GRID1: variants seen among roughly 807,000 people sequenced by gnomAD.
The protein encoded by GRID1 is glutamate ionotropic receptor delta type subunit 1, also known as glutamate receptor ionotropic, delta-1.
A neutral mutation model predicts 98.0 loss-of-function variants in GRID1; 28 were observed. That is an observed-to-expected ratio of 0.29 (90% CI 0.21 to 0.39). The LOEUF is 0.39. Ranked by LOEUF, GRID1 falls within the 10% of genes least tolerant of loss-of-function variation. The probability of loss-of-function intolerance (pLI) is 1.00; values close to 1 mark genes in which losing one functional copy is unlikely to be tolerated. For missense variants in GRID1, 1,111 were observed against 1,340.5 expected (o/e 0.83, Z 2.67); for synonymous variants, 553 against 538.5 (o/e 1.03, Z -0.37).
At chr10:85,628,033 G>A (rs1030198142) in intron 13 of GRID1, among the ~76,000 whole-genome samples, 6 of 152,074 alleles carry the variant, frequency 3.9e-5, no homozygotes, top group Admixed American at 1.3e-4. Context: ...GTGTGTGCAT[G>A]AGAATTGTGT....
chr10:85,710,831 A>T (rs139699745), intron 12 of GRID1, among the ~76,000 whole-genome samples: 2,812 of 152,228 alleles, frequency 0.018, 41 homozygotes, highest in Non-Finnish European at 0.028. Flanking sequence ...CAAAGGAGAT[A>T]TGCAAATTTG....
intron 3 of GRID1, among the ~76,000 whole-genome samples, chr10:86,174,831 G>A (rs1180912759): frequency 6.6e-6 from 1 of 152,030 alleles, no homozygotes; most frequent in Admixed American, 6.5e-5. Context: ...AGTGGGTGAA[G>A]GACATCAACA....
chr10:85,647,660 G>A, intron 12 of GRID1: 2 of 419,718 alleles, frequency 4.8e-6, no homozygotes, highest in Non-Finnish European at 8.7e-6. Context: ...TTACTGAACT[G>A]GAGGGATAAA....
At chr10:85,881,567 C>T (rs987782663) in intron 5 of GRID1, among the ~76,000 whole-genome samples, 81 of 152,238 alleles carry the variant, frequency 5.3e-4, no homozygotes, top group African/African-American at 1.9e-3. Flanking sequence ...AACTGGCTAG[C>T]CATATGTAGA....
chr10:85,708,127 A>AC (rs1359943859), intron 12 of GRID1, among the ~76,000 whole-genome samples: 11 of 122,378 alleles, frequency 9.0e-5, no homozygotes, highest in Non-Finnish European at 1.2e-4. Context: ...AAAAAAAAAA[A>AC]AAAACACAAG....
At chr10:86,139,437 C>T (rs994183020) in intron 3 of GRID1, among the ~76,000 whole-genome samples, 1 of 152,214 alleles carries the variant, frequency 6.6e-6, no homozygotes, top group Non-Finnish European at 1.5e-5. Context: ...CTAGACCAAC[C>T]ATGGCCAGCT....
intron 8 of GRID1, among the ~76,000 whole-genome samples, chr10:85,789,735 C>T (rs557127337): frequency 2.6e-5 from 4 of 152,238 alleles, no homozygotes; most frequent in African/African-American, 9.6e-5. Context: ...CCCAGGAACC[C>T]AGGAGATTTA....
chr10:86,236,905 G>A (rs1343113428), intron 2 of GRID1, among the ~76,000 whole-genome samples: 1 of 152,176 alleles, frequency 6.6e-6, no homozygotes, highest in Non-Finnish European at 1.5e-5. Flanking sequence ...GAGGCAGAGT[G>A]GCACTCTGGG....
intron 4 of GRID1, among the ~76,000 whole-genome samples, chr10:86,131,098 G>T (rs1436908058): frequency 6.6e-6 from 1 of 152,142 alleles, no homozygotes; most frequent in African/African-American, 2.4e-5. Context: ...TGGACTACAT[G>T]GCACAGATAG....
chr10:86,244,024 G>C (rs1473654020), intron 2 of GRID1, among the ~76,000 whole-genome samples: 1 of 152,196 alleles, frequency 6.6e-6, no homozygotes, highest in Non-Finnish European at 1.5e-5. Flanking sequence ...ATGTATACAT[G>C]TATGTGTGCA....
At chr10:85,891,018 A>T (rs1349360265) in intron 5 of GRID1, among the ~76,000 whole-genome samples, 13 of 152,146 alleles carry the variant, frequency 8.5e-5, no homozygotes. Flanking sequence ...ATATAATAAC[A>T]GCTGATCCTT....
intron 5 of GRID1, among the ~76,000 whole-genome samples, chr10:85,914,638 T>C (rs549776418): frequency 1.2e-4 from 19 of 152,138 alleles, no homozygotes; most frequent in Non-Finnish European, 2.5e-4. Context: ...CTACGAAAAG[T>C]GGACTTTGCA....
At chr10:86,138,773 A>G (rs751439473) in intron 4 of GRID1, 46 bp downstream of exon 4, 19 of 1,477,016 alleles carry the variant, frequency 1.3e-5, no homozygotes, top group Non-Finnish European at 1.8e-5. Context: ...TCTTCTGCAG[A>G]GCCCTGGGCA....
chr10:86,206,293 A>T lies in GRID1; in HGVS notation c.520+71T>A. ...CCCTGACCGGTCCAGGGCCCCACCCACTCTCAGGTCTCCCAGCATCTGGCC... is the reference window on the plus strand; with the variant it reads ...CCCTGACCGGTCCAGGGCCCCACCCTCTCTCAGGTCTCCCAGCATCTGGCC... On this transcript the variant is annotated intron_variant, in intron 3 of 15. Coordinates refer to ENST00000327946, the MANE Select transcript of GRID1 (RefSeq NM_017551.3). The surrounding 1 kb of genome is among the most constrained non-coding windows in gnomAD (Gnocchi z 4.1). 6.8e-7 allele frequency: 1 copy of T among 1,469,794 alleles called. No individual in the cohort carries two copies. The highest frequency in any genetic ancestry group is 9.2e-7 in the Non-Finnish European group (1 of 1,081,258). 91.0% of individuals were successfully genotyped at this position (1,469,794 alleles called of 1,614,324 possible).
chr10:85,904,234 T>C (rs866477687), intron 5 of GRID1, among the ~76,000 whole-genome samples: 22 of 152,056 alleles, frequency 1.4e-4, no homozygotes, highest in South Asian at 4.1e-4. Context: ...CCAAAAAGAC[T>C]AGGAAAAACC....
chr10:85,664,619 C>A (rs1285390565), intron 12 of GRID1, among the ~76,000 whole-genome samples: 1 of 152,288 alleles, frequency 6.6e-6, no homozygotes, highest in Admixed American at 6.5e-5. Context: ...GACAGCCGAG[C>A]TTGAAGCCAC....
At chr10:85,609,918 T>G (rs1842714955) in intron 15 of GRID1, among the ~76,000 whole-genome samples, 1 of 152,204 alleles carries the variant, frequency 6.6e-6, no homozygotes, top group South Asian at 2.1e-4. Flanking sequence ...TCACCTGCAT[T>G]GGGTAACTAC....
At chr10:86,124,815 T>C (rs546861769) in intron 4 of GRID1, among the ~76,000 whole-genome samples, 53 of 152,244 alleles carry the variant, frequency 3.5e-4, no homozygotes, top group South Asian at 2.3e-3. Context: ...CAGTGCCCTA[T>C]AGTCATACAG....
At chr10:86,234,072 A>T (rs939645390) in intron 2 of GRID1, among the ~76,000 whole-genome samples, 1 of 152,078 alleles carries the variant, frequency 6.6e-6, no homozygotes, top group Admixed American at 6.5e-5. Context: ...AGGGACAGGA[A>T]CACCTCCTGA....
Sources: gnomAD v4.1 joint callset for allele counts (sites outside exome capture counted in the v4.1 genomes callset) on GRCh38, gnomAD v4.1.1 for gene constraint, Gnocchi (gnomAD v3.1) non-coding constraint, MANE v1.5 for transcripts, NCBI Gene and HGNC (gene_info 2026-07-23, HGNC 2026-07-21) for gene names.